MTUS2: variants seen among roughly 807,000 people sequenced by gnomAD.
MTUS2 encodes microtubule associated scaffold protein 2, also known as microtubule-associated tumor suppressor candidate 2.
Under a neutral mutation model 114.1 loss-of-function variants are expected in MTUS2, and 40 were observed. The ratio of observed to expected loss-of-function variants is 0.35; its 90% CI spans 0.27 to 0.46. The LOEUF (loss-of-function observed/expected upper bound fraction) is 0.46. Among genes scored for constraint, MTUS2 ranks in the 20% least tolerant of loss-of-function variants. The pLI is 1.00. For missense variants in MTUS2, 1,679 were observed against 1,705.4 expected, an observed-to-expected ratio of 0.98 and a Z score of 0.27; for synonymous variants, 688 against 672.0, an observed-to-expected ratio of 1.02 and a Z score of -0.37.
chr13:29,160,295 A>G (rs1467634156), intron 5 of MTUS2, among the ~76,000 whole-genome samples: 1 of 152,224 alleles, frequency 6.6e-6, no homozygotes, highest in Non-Finnish European at 1.5e-5. Context: ...AGAAAAAAGT[A>G]AATCTCTTTT....
At chr13:29,032,955 T>C (rs888996873) in intron 3 of MTUS2, among the ~76,000 whole-genome samples, 1 of 152,202 alleles carries the variant, frequency 6.6e-6, no homozygotes, top group African/African-American at 2.4e-5. Context: ...TTTTTCCTGT[T>C]TAATATTAAT....
intron 8 of MTUS2, among the ~76,000 whole-genome samples, chr13:29,407,308 A>G (rs1176318226): frequency 6.6e-6 from 1 of 152,204 alleles, no homozygotes; most frequent in Middle Eastern, 3.4e-3. Context: ...TGAGCTGAAC[A>G]TTTTTAAACA....
chr13:29,096,804 G>A (rs939809452), intron 4 of MTUS2, among the ~76,000 whole-genome samples: 12 of 152,250 alleles, frequency 7.9e-5, no homozygotes, highest in South Asian at 2.1e-4. Context: ...AGCGAGGTGC[G>A]AGGTAGGGAC....
At chr13:29,183,828 T>C (rs1894107313) in intron 5 of MTUS2, among the ~76,000 whole-genome samples, 1 of 152,220 alleles carries the variant, frequency 6.6e-6, no homozygotes, top group South Asian at 2.1e-4. Context: ...GTCTTCTGCA[T>C]CCTTTTTTCA....
intron 7 of MTUS2, among the ~76,000 whole-genome samples, chr13:29,338,069 G>A (rs1323028105): frequency 6.6e-6 from 1 of 151,560 alleles, no homozygotes; most frequent in Non-Finnish European, 1.5e-5. Flanking sequence ...TGGGATTACA[G>A]GTGTGAGCCA....
In MTUS2 at chr13:29,474,727, T is replaced by C. The variant is rs901736299; in HGVS notation, c.3185-5423T>C. On this transcript the variant is annotated intron_variant, in intron 9 of 15. Transcript: ENST00000612955. ...TTCAACCTACTCATCATAATTTGAG[T>C]AGCCCCCTACTAGTTCCCTAAGGCA... is the stretch of plus-strand genomic sequence containing the variant. Among the ~76,000 whole-genome samples, 3 of 152,184 alleles carry C rather than the reference T, an allele frequency of 2.0e-5. No individual in the cohort carries two copies. The East Asian group carries it at 5.8e-4, about 29-fold the overall frequency.
At chr13:29,434,616 A>T (rs1877273035) in intron 8 of MTUS2, among the ~76,000 whole-genome samples, 1 of 152,138 alleles carries the variant, frequency 6.6e-6, no homozygotes, top group Non-Finnish European at 1.5e-5. Flanking sequence ...TTGGTTTCTA[A>T]TTTGAGGAGT....
At chr13:28,989,867 T>C (rs957227868) in intron 2 of MTUS2, among the ~76,000 whole-genome samples, 22 of 145,170 alleles carry the variant, frequency 1.5e-4, no homozygotes, top group African/African-American at 5.4e-4. Flanking sequence ...TTTTTTTTTT[T>C]GCAGAATTGC....
At chr13:28,969,268 T>G (rs529800862) in intron 2 of MTUS2, among the ~76,000 whole-genome samples, 3 of 152,168 alleles carry the variant, frequency 2.0e-5, no homozygotes, top group Admixed American at 2.0e-4. Flanking sequence ...TTGCAAACTA[T>G]TTTTTTAATT....
intron 7 of MTUS2, among the ~76,000 whole-genome samples, chr13:29,345,937 G>T (rs1379977738): frequency 6.6e-6 from 1 of 151,930 alleles, no homozygotes. Context: ...TCTGGGTCTA[G>T]CCACCTAGCT....
intron 1 of MTUS2, among the ~76,000 whole-genome samples, chr13:28,835,888 C>T (rs889190715): frequency 6.6e-5 from 10 of 152,114 alleles, no homozygotes; most frequent in African/African-American, 9.7e-5. Flanking sequence ...GTGAGCTTTT[C>T]GTGTAGGGAC....
intron 4 of MTUS2, among the ~76,000 whole-genome samples, chr13:29,049,151 A>G (rs776294532): frequency 2.6e-5 from 4 of 152,160 alleles, no homozygotes; most frequent in Non-Finnish European, 5.9e-5. Context: ...AGATTTTGCA[A>G]CTCTTTGGCC....
chr13:29,279,161 C>A (rs532034083), intron 5 of MTUS2, among the ~76,000 whole-genome samples: 3 of 152,296 alleles, frequency 2.0e-5, no homozygotes, highest in South Asian at 4.1e-4. Context: ...TTATCACTAT[C>A]CCCGCTTATG....
chr13:28,896,547 A>G (rs1262752911), intron 2 of MTUS2, among the ~76,000 whole-genome samples: 1 of 152,222 alleles, frequency 6.6e-6, no homozygotes, highest in Non-Finnish European at 1.5e-5. Context: ...ATTGGAAAAA[A>G]CTACTTTAAA....
chr13:29,225,538 ATTAAT>A (rs1365790228), intron 5 of MTUS2, among the ~76,000 whole-genome samples: 1 of 152,190 alleles, frequency 6.6e-6, no homozygotes, highest in Admixed American at 6.5e-5. Context: ...CAGCTGAAAG[ATTAAT>A]TTAAGAAAGA....
intron 5 of MTUS2, among the ~76,000 whole-genome samples, chr13:29,208,304 AT>A (rs1895279854): frequency 1.3e-5 from 2 of 151,840 alleles, no homozygotes; most frequent in Non-Finnish European, 2.9e-5. Flanking sequence ...AATCGAGTTT[AT>A]TTGGATCTTT....
At chr13:28,886,562 T>G (rs1263118388) in intron 2 of MTUS2, among the ~76,000 whole-genome samples, 1 of 151,836 alleles carries the variant, frequency 6.6e-6, no homozygotes, top group Non-Finnish European at 1.5e-5. Flanking sequence ...TGCTGTGTGT[T>G]GAGATGGGGA....
chr13:29,392,710 G>A (rs1873605344), intron 8 of MTUS2, among the ~76,000 whole-genome samples: 1 of 152,178 alleles, frequency 6.6e-6, no homozygotes, highest in African/African-American at 2.4e-5. Context: ...GATTTATAGA[G>A]AGAGAAAGAA....
At chr13:29,046,105 TG>T (rs1242090683) in intron 4 of MTUS2, among the ~76,000 whole-genome samples, 13 of 136,416 alleles carry the variant, frequency 9.5e-5, no homozygotes, top group Non-Finnish European at 1.7e-4. Context: ...ACTGATTTCT[TG>T]GTTAGTAAGT....
Sources: gnomAD v4.1 joint callset for allele counts (sites outside exome capture counted in the v4.1 genomes callset) on GRCh38, gnomAD v4.1.1 for gene constraint, MANE v1.5 for transcripts, NCBI Gene and HGNC (gene_info 2026-07-23, HGNC 2026-07-21) for gene names.